The following LDLRAD4 variants were observed in gnomAD, a reference collection of about 807,000 sequenced individuals.
The protein encoded by LDLRAD4 is low-density lipoprotein receptor class A domain-containing protein 4.
LDLRAD4 carries 5 observed loss-of-function variants against 17.0 expected under a neutral mutation model. The ratio of observed to expected loss-of-function variants is 0.29; its 90% CI spans 0.15 to 0.62. The LOEUF (loss-of-function observed/expected upper bound fraction) is 0.62. Among genes scored for constraint, LDLRAD4 ranks in the 20% least tolerant of loss-of-function variants. The pLI is 0.84. For missense variants in LDLRAD4, 340 were observed against 424.7 expected, an observed-to-expected ratio of 0.80 and a Z score of 1.75; for synonymous variants, 168 against 171.8, an observed-to-expected ratio of 0.98 and a Z score of 0.17.
chr18:13,278,768 C>A (rs751281804), intron 1 of LDLRAD4, among the ~76,000 whole-genome samples: 8 of 152,176 alleles, frequency 5.3e-5, no homozygotes, highest in African/African-American at 1.9e-4. Flanking sequence ...CCCTCTCTCC[C>A]GCTTGTCTTC....
Position 13,563,557 on chromosome 18 carries a change from A to G in LDLRAD4, c.182-57560A>G, listed in dbSNP as rs111652972. On this transcript the variant is annotated intron_variant, in intron 3 of 5. Coordinates refer to ENST00000359446, the Ensembl canonical transcript of LDLRAD4. ...AATGGACATGTTCTGCAGCTTTGCCATGTGACTCCTTTCAGCACAACAGAA... is the reference window on the plus strand; with the variant it reads ...AATGGACATGTTCTGCAGCTTTGCCGTGTGACTCCTTTCAGCACAACAGAA... Among the ~76,000 whole-genome samples, 544 of 152,362 alleles carry G rather than the reference A, an allele frequency of 3.6e-3. 2 individuals carry two copies. Among genetic ancestry groups the G allele is most frequent in the African/African-American group, 0.013 (526 of 41,570 alleles).
intron 3 of LDLRAD4, among the ~76,000 whole-genome samples, chr18:13,508,273 C>G: frequency 6.6e-6 from 1 of 152,178 alleles, no homozygotes; most frequent in East Asian, 1.9e-4. Context: ...ATCTACATAC[C>G]ATCAAAGTGC....
At chr18:13,224,872 A>T (rs149882812) in intron 1 of LDLRAD4, among the ~76,000 whole-genome samples, 30 of 148,808 alleles carry the variant, frequency 2.0e-4, no homozygotes, top group Middle Eastern at 3.4e-3. Context: ...TTTATTACCC[A>T]GGCTGGAGTG....
At position 13,370,722 on chromosome 18, in the gene LDLRAD4, T is replaced by TTTTTTTGTTTTTTG. The variant is rs1568062015; in HGVS notation, c.-382-16612_-382-16611insTTTTTTGTTTTTTG. On this transcript the variant is annotated intron_variant, in intron 1 of 5. Transcript: ENST00000359446. ...CATGGTTTTTTGTTTTGTTTTTTTT[T>TTTTTTTGTTTTTTG]TTTTTTGAGATGGATTCTTGCTTTG... is the stretch of plus-strand genomic sequence containing the variant. Among the ~76,000 whole-genome samples the TTTTTTTGTTTTTTG allele has an allele frequency of 5.4e-5, 8 of 147,652 alleles. 1 individual carries two copies. The South Asian group carries it at 6.6e-4, about 12-fold the overall frequency.
intron 1 of LDLRAD4, among the ~76,000 whole-genome samples, chr18:13,364,372 CTG>C (rs771479125): frequency 1.6e-4 from 24 of 152,106 alleles, no homozygotes; most frequent in Admixed American, 2.6e-4. Context: ...AGGTCTTGCT[CTG>C]TCACCCAGGC....
At chr18:13,268,145 TC>T in intron 1 of LDLRAD4, among the ~76,000 whole-genome samples, 1 of 152,210 alleles carries the variant, frequency 6.6e-6, no homozygotes, top group Non-Finnish European at 1.5e-5. Flanking sequence ...TGTTTTCCTG[TC>T]CCAGGGCAGA....
At chr18:13,576,761 C>A (rs1043121897) in intron 3 of LDLRAD4, among the ~76,000 whole-genome samples, 1 of 152,190 alleles carries the variant, frequency 6.6e-6, no homozygotes, top group Non-Finnish European at 1.5e-5. Flanking sequence ...AGTCATCCTT[C>A]CCAGCTGTAG....
chr18:13,423,724 T>G (rs2089685579), intron 2 of LDLRAD4: 1 of 152,642 alleles, frequency 6.6e-6, no homozygotes, highest in Non-Finnish European at 1.5e-5. Flanking sequence ...CTGTTCACGT[T>G]TCTTTCACAC....
chr18:13,376,150 C>T (rs1466870920), intron 1 of LDLRAD4, among the ~76,000 whole-genome samples: 1 of 152,184 alleles, frequency 6.6e-6, no homozygotes, highest in African/African-American at 2.4e-5. Context: ...CCTGCCTGTC[C>T]TCCCAGGCTG....
intron 3 of LDLRAD4, among the ~76,000 whole-genome samples, chr18:13,527,351 T>G (rs2147762116): frequency 6.6e-6 from 1 of 152,370 alleles, no homozygotes; most frequent in East Asian, 1.9e-4. Context: ...AAGCATGAAC[T>G]GTGCCTTGTA....
intron 3 of LDLRAD4, among the ~76,000 whole-genome samples, chr18:13,479,448 C>T (rs996726760): frequency 6.6e-6 from 1 of 152,112 alleles, no homozygotes; most frequent in African/African-American, 2.4e-5. Context: ...TGGCATAACC[C>T]CATCTCTACT....
At chr18:13,419,846 A>G (rs1462303631) in intron 2 of LDLRAD4, 2 of 152,218 alleles carry the variant, frequency 1.3e-5, no homozygotes, top group African/African-American at 4.8e-5. Flanking sequence ...CCTCACGTGC[A>G]CATGTTCACA....
At chr18:13,242,300 C>T (rs1053785747) in intron 1 of LDLRAD4, among the ~76,000 whole-genome samples, 13 of 152,222 alleles carry the variant, frequency 8.5e-5, no homozygotes, top group Non-Finnish European at 1.8e-4. Flanking sequence ...TGATCATCTG[C>T]ATTTTCCAAT....
chr18:13,535,500 A>AT (rs1022078031), intron 3 of LDLRAD4, among the ~76,000 whole-genome samples: 2 of 152,018 alleles, frequency 1.3e-5, no homozygotes, highest in African/African-American at 2.4e-5. Flanking sequence ...TCTTTTGCAC[A>AT]TTTTTTATTG....
intron 3 of LDLRAD4, among the ~76,000 whole-genome samples, chr18:13,545,088 A>G (rs1369194505): frequency 6.6e-6 from 1 of 152,132 alleles, no homozygotes; most frequent in Admixed American, 6.5e-5. Context: ...GCTCCCCAGA[A>G]GGTCCTCAGC....
chr18:13,552,824 A>T (rs2094448368), intron 3 of LDLRAD4, among the ~76,000 whole-genome samples: 1 of 152,100 alleles, frequency 6.6e-6, no homozygotes, highest in Non-Finnish European at 1.5e-5. Flanking sequence ...TCAGTTTGGG[A>T]TTGCCTAGGG....
chr18:13,415,591 G>C (rs971984462), intron 2 of LDLRAD4, among the ~76,000 whole-genome samples: 1 of 152,306 alleles, frequency 6.6e-6, no homozygotes, highest in Non-Finnish European at 1.5e-5. Flanking sequence ...AGAGTTTCAG[G>C]TACGTAGTGT....
chr18:13,497,472 C>T (rs1005921299), intron 3 of LDLRAD4, among the ~76,000 whole-genome samples: 3 of 151,954 alleles, frequency 2.0e-5, no homozygotes, highest in Non-Finnish European at 4.4e-5. Flanking sequence ...AGCCACTGGG[C>T]CTGGCAAAAG....
intron 1 of LDLRAD4, among the ~76,000 whole-genome samples, chr18:13,245,616 T>C (rs1169581891): frequency 1.3e-5 from 2 of 152,220 alleles, no homozygotes; most frequent in Non-Finnish European, 2.9e-5. Context: ...CTATGGCCCA[T>C]GTATCCCTAA....
Sources: allele counts gnomAD v4.1 joint callset (sites outside exome capture counted in the v4.1 genomes callset), GRCh38; gene constraint gnomAD v4.1.1; transcripts MANE v1.5; gene names NCBI Gene and HGNC (gene_info 2026-07-23, HGNC 2026-07-21).